PPHLN1: variants seen among roughly 807,000 people sequenced by gnomAD.
PPHLN1 encodes periphilin-1.
A neutral mutation model predicts 51.3 loss-of-function variants in PPHLN1; 29 were observed. The ratio of observed to expected loss-of-function variants is 0.57; its 90% CI spans 0.42 to 0.77. The LOEUF is 0.77. Among genes scored for constraint, PPHLN1 ranks in the 30% least tolerant of loss-of-function variants. PPHLN1 has a pLI of 0.00. For synonymous variants in PPHLN1, 147 were observed against 147.8 expected, an observed-to-expected ratio of 0.99 and a Z score of 0.04; for missense variants, 436 against 438.4, an observed-to-expected ratio of 0.99 and a Z score of 0.05.
At chr12:42,426,378 C>T (rs141617556) in intron 9 of PPHLN1, among the ~76,000 whole-genome samples, 173 of 152,176 alleles carry the variant, frequency 1.1e-3, no homozygotes, top group African/African-American at 4.0e-3. Flanking sequence ...GGCTTCATTT[C>T]TATTTTGGAT....
intron 4 of PPHLN1, among the ~76,000 whole-genome samples, chr12:42,362,100 A>G (rs2074758934): frequency 6.6e-6 from 1 of 152,198 alleles, no homozygotes; most frequent in Non-Finnish European, 1.5e-5. Context: ...GTAAAGTCAT[A>G]TCTCATTGTG....
At chr12:42,402,646 A>G (rs2078942316) in intron 9 of PPHLN1, among the ~76,000 whole-genome samples, 1 of 151,862 alleles carries the variant, frequency 6.6e-6, no homozygotes, top group Non-Finnish European at 1.5e-5. Context: ...TAGTAATTTC[A>G]TATTTAACTA....
intron 4 of PPHLN1, chr12:42,359,500 T>A (rs1424612267): frequency 6.6e-6 from 1 of 152,204 alleles, no homozygotes; most frequent in Admixed American, 6.5e-5. Context: ...GACGTCTGAG[T>A]TATCTTCAAT....
In PPHLN1 at chr12:42,400,798, T is replaced by TTCACA. The variant is rs1555209232; in HGVS notation, c.909+1804_909+1805insTCACA. ...CTTTCTCTCTCTCTCTCTCTCTCTTTCACACACACACACACACACACACAC... is the reference window on the plus strand; with the variant it reads ...CTTTCTCTCTCTCTCTCTCTCTCTTTTCACACACACACACACACACACACACACAC... On this transcript the variant is annotated intron_variant, in intron 9 of 9. Transcript: ENST00000358314. Among the ~76,000 whole-genome samples the TTCACA allele has an allele frequency of 1.2e-3, 172 of 142,620 alleles. 2 individuals are homozygous for TTCACA. The highest frequency in any genetic ancestry group is 4.3e-3 in the African/African-American group (162 of 38,116). 93.6% of individuals were successfully genotyped at this position (142,620 alleles called of 152,430 possible).
At chr12:42,350,464 G>A (rs1445349847) in intron 2 of PPHLN1, among the ~76,000 whole-genome samples, 2 of 149,986 alleles carry the variant, frequency 1.3e-5, no homozygotes, top group African/African-American at 4.9e-5. Context: ...AGGAAGAGGC[G>A]CTCCTCACTT....
At chr12:42,384,554 A>G (rs1387953225) in intron 5 of PPHLN1, among the ~76,000 whole-genome samples, 2 of 152,200 alleles carry the variant, frequency 1.3e-5, no homozygotes, top group Non-Finnish European at 2.9e-5. Context: ...CAGGCCTTCC[A>G]GTGTCAGCTT....
At chr12:42,388,023 G>T (rs1292834900) in intron 7 of PPHLN1, among the ~76,000 whole-genome samples, 1 of 152,216 alleles carries the variant, frequency 6.6e-6, no homozygotes, top group Non-Finnish European at 1.5e-5. Context: ...GAACGCCGCA[G>T]GGACCTCTGC....
At chr12:42,376,942 A>G (rs2076317634) in intron 5 of PPHLN1, among the ~76,000 whole-genome samples, 1 of 152,106 alleles carries the variant, frequency 6.6e-6, no homozygotes, top group Non-Finnish European at 1.5e-5. Flanking sequence ...TTGCTTCTAT[A>G]TACCCCATCC....
chr12:42,404,907 A>G (rs553096353), intron 9 of PPHLN1, among the ~76,000 whole-genome samples: 2 of 152,094 alleles, frequency 1.3e-5, no homozygotes, highest in Admixed American at 1.3e-4. Flanking sequence ...CATGCCTGTA[A>G]TCCCAGCTAC....
At chr12:42,397,519 T>A (rs966092464) in intron 8 of PPHLN1, among the ~76,000 whole-genome samples, 1 of 152,212 alleles carries the variant, frequency 6.6e-6, no homozygotes, top group Non-Finnish European at 1.5e-5. Context: ...TGTTGTACTT[T>A]CTTTGCTCAC....
At chr12:42,415,530 A>G (rs950018764) in intron 9 of PPHLN1, among the ~76,000 whole-genome samples, 2 of 152,172 alleles carry the variant, frequency 1.3e-5, no homozygotes, top group Non-Finnish European at 2.9e-5. Flanking sequence ...ATCTTTTCAC[A>G]GAGATCCTAG....
intron 2 of PPHLN1, among the ~76,000 whole-genome samples, chr12:42,342,723 A>G (rs1363924909): frequency 6.6e-6 from 1 of 152,218 alleles, no homozygotes; most frequent in Non-Finnish European, 1.5e-5. Context: ...TAACAAATAC[A>G]TTATTTTGCA....
intron 5 of PPHLN1, among the ~76,000 whole-genome samples, chr12:42,384,302 T>A (rs1565895641): frequency 6.6e-6 from 1 of 152,040 alleles, no homozygotes; most frequent in Non-Finnish European, 1.5e-5. Flanking sequence ...GGATTTGAAG[T>A]CATTGTTATG....
chr12:42,416,485 A>G (rs534952829), intron 9 of PPHLN1, among the ~76,000 whole-genome samples: 215 of 152,332 alleles, frequency 1.4e-3, no homozygotes, highest in Non-Finnish European at 2.5e-3. Context: ...CTTCAGCCTC[A>G]CTTTGAGAAT....
intron 9 of PPHLN1, among the ~76,000 whole-genome samples, chr12:42,418,559 T>C (rs930291301): frequency 6.6e-6 from 1 of 152,130 alleles, no homozygotes; most frequent in African/African-American, 2.4e-5. Flanking sequence ...CTCACTGTTC[T>C]GCAGTCATAG....
chr12:42,373,958 T>TG (rs1202125755), intron 4 of PPHLN1, among the ~76,000 whole-genome samples: 2 of 152,120 alleles, frequency 1.3e-5, no homozygotes, highest in African/African-American at 4.8e-5. Context: ...TGTGTAGTGT[T>TG]GGGGGGCATG....
At chr12:42,402,916 A>G (rs1388368020) in intron 9 of PPHLN1, among the ~76,000 whole-genome samples, 1 of 152,012 alleles carries the variant, frequency 6.6e-6, no homozygotes, top group African/African-American at 2.4e-5. Flanking sequence ...GATTCCCAAC[A>G]CTCACTAGCT....
chr12:42,352,529 C>T (rs1167830936), intron 3 of PPHLN1, among the ~76,000 whole-genome samples: 1 of 151,648 alleles, frequency 6.6e-6, no homozygotes, highest in Non-Finnish European at 1.5e-5. Context: ...CCTGCCTCAC[C>T]CTCCCAAGTA....
chr12:42,398,036 A>G (rs2078430225), intron 8 of PPHLN1, among the ~76,000 whole-genome samples: 1 of 151,488 alleles, frequency 6.6e-6, no homozygotes, highest in African/African-American at 2.4e-5. Flanking sequence ...ACACCAAAGT[A>G]TTTACAATGT....
Sources: allele counts gnomAD v4.1 joint callset (sites outside exome capture counted in the v4.1 genomes callset), GRCh38; gene constraint gnomAD v4.1.1; transcripts MANE v1.5; gene names NCBI Gene and HGNC (gene_info 2026-07-23, HGNC 2026-07-21).